Variants in ANKIB1 observed in about 807,000 individuals in gnomAD.
The protein encoded by ANKIB1 is ankyrin repeat and IBR domain containing 1.
A neutral mutation model predicts 122.1 loss-of-function variants in ANKIB1; 43 were observed. The ratio of observed to expected loss-of-function variants is 0.35; its 90% CI spans 0.28 to 0.45. ANKIB1 has a LOEUF of 0.45. Among genes scored for constraint, ANKIB1 ranks in the 20% least tolerant of loss-of-function variants. The probability of loss-of-function intolerance (pLI) is 1.00; values close to 1 mark genes in which losing one functional copy is unlikely to be tolerated. For synonymous variants in ANKIB1, 390 were observed against 442.0 expected (o/e 0.88, Z 1.48); for missense variants, 992 against 1,329.5 (o/e 0.75, Z 3.95).
intron 10 of ANKIB1, among the ~76,000 whole-genome samples, chr7:92,367,771 T>A (rs1804124502): frequency 6.6e-6 from 1 of 152,262 alleles, no homozygotes; most frequent in Admixed American, 6.5e-5. Context: ...GTTATATTTT[T>A]TATGAAATGA....
Position 92,246,036 on chromosome 7 carries a change from G to A in ANKIB1, c.-574G>A, listed in dbSNP as rs1563337676. On this transcript the variant is annotated 5_prime_UTR_variant, in exon 1 of 20. Transcript: ENST00000265742. ...TCACTGGACCTGCAGTCTCTCAGGG[G>A]CTGGTGGCAGGCGACTAGGAGACTA... The A allele has an allele frequency of 3.7e-6, 1 of 266,866 alleles. No homozygotes were observed. Among genetic ancestry groups the A allele is most frequent in the Non-Finnish European group, 7.3e-6 (1 of 136,692 alleles). The allele number at this position is 266,866 out of a possible 1,614,324, so 16.5% of individuals were successfully genotyped here.
chr7:92,262,710 T>C (rs147127552), intron 1 of ANKIB1, among the ~76,000 whole-genome samples: 25 of 152,280 alleles, frequency 1.6e-4, no homozygotes, highest in Non-Finnish European at 2.5e-4. Flanking sequence ...TTTTCTTCTT[T>C]ATACTTTTCC....
intron 11 of ANKIB1, among the ~76,000 whole-genome samples, chr7:92,374,195 G>A (rs1431392136): frequency 6.6e-6 from 1 of 152,166 alleles, no homozygotes; most frequent in African/African-American, 2.4e-5. Flanking sequence ...TAGAGATTAA[G>A]GCCAGGCATG....
intron 7 of ANKIB1, 57 bp downstream of exon 7, chr7:92,345,123 A>G (rs1803513028): frequency 3.1e-6 from 4 of 1,279,466 alleles, no homozygotes; most frequent in Non-Finnish European, 2.2e-6. Context: ...TGATTTGTTA[A>G]TAAAATTGTT....
intron 5 of ANKIB1, among the ~76,000 whole-genome samples, chr7:92,331,230 G>T (rs1302923468): frequency 1.3e-5 from 2 of 151,362 alleles, no homozygotes; most frequent in East Asian, 3.9e-4. Context: ...CAGGGACTGT[G>T]ACTGACTGGA....
chr7:92,398,203 T>C lies in ANKIB1; in HGVS notation c.2533-9T>C, dbSNP rs1180496490. ...AATTTTAAAGTGGTTTTGCTTTCTGTTGCTTCAGGCTCTGAGTTCCTTGGA... is the reference window on the plus strand; with the variant it reads ...AATTTTAAAGTGGTTTTGCTTTCTGCTGCTTCAGGCTCTGAGTTCCTTGGA... On this transcript the variant is annotated splice_polypyrimidine_tract_variant and intron_variant, in intron 19 of 19. Transcript: ENST00000265742. The C allele has an allele frequency of 6.4e-7, 1 of 1,558,562 alleles. No homozygotes were observed. The highest frequency in any genetic ancestry group is 8.6e-7 in the Non-Finnish European group (1 of 1,156,472).
intron 5 of ANKIB1, among the ~76,000 whole-genome samples, chr7:92,333,787 G>T (rs1315849241): frequency 6.6e-6 from 1 of 152,018 alleles, no homozygotes; most frequent in Non-Finnish European, 1.5e-5. Flanking sequence ...TGAAAAATAT[G>T]GTAGAAAAGA....
At chr7:92,309,942 A>AAAAAAAAATATATATATATATAT (rs1335765681) in intron 3 of ANKIB1, among the ~76,000 whole-genome samples, 4 of 91,786 alleles carry the variant, frequency 4.4e-5, no homozygotes, top group African/African-American at 1.5e-4. Flanking sequence ...AAAAAAAAAA[A>AAAAAAAAATATATATATATATAT]ATATATATAT....
chr7:92,390,930 A>G (rs1022280814), intron 15 of ANKIB1, among the ~76,000 whole-genome samples: 7 of 152,338 alleles, frequency 4.6e-5, no homozygotes, highest in Admixed American at 4.6e-4. Flanking sequence ...ATAAATGCCT[A>G]TCAAATGAGC....
chr7:92,329,798 T>C (rs1273087756), intron 5 of ANKIB1, among the ~76,000 whole-genome samples: 2 of 152,218 alleles, frequency 1.3e-5, no homozygotes, highest in Non-Finnish European at 2.9e-5. Flanking sequence ...TCACTCTCCC[T>C]AGCTCTTTCA....
At chr7:92,274,885 C>T (rs1231887844) in intron 1 of ANKIB1, among the ~76,000 whole-genome samples, 3 of 152,164 alleles carry the variant, frequency 2.0e-5, no homozygotes, top group Admixed American at 6.5e-5. Context: ...TGTGATAGCA[C>T]CACTGCACTC....
chr7:92,344,456 C>A (rs1158540442), intron 6 of ANKIB1, among the ~76,000 whole-genome samples: 1 of 151,958 alleles, frequency 6.6e-6, no homozygotes, highest in East Asian at 1.9e-4. Flanking sequence ...CTGCCCACCT[C>A]GGCCTCGCAA....
intron 2 of ANKIB1, among the ~76,000 whole-genome samples, chr7:92,305,605 G>A (rs1802544043): frequency 6.6e-6 from 1 of 152,170 alleles, no homozygotes. Flanking sequence ...TGAACTGGTG[G>A]GGGAGCCTAG....
At chr7:92,369,031 A>G (rs1804169111) in intron 10 of ANKIB1, among the ~76,000 whole-genome samples, 1 of 152,230 alleles carries the variant, frequency 6.6e-6, no homozygotes. Context: ...GCTAACAATA[A>G]TGTTGATGCT....
In ANKIB1 at chr7:92,387,898, C is replaced by A; in HGVS notation, c.1839+14C>A. On this transcript the variant is annotated intron_variant, in intron 13 of 19. Transcript: ENST00000265742. ...CATAGTTATCAGGTATGTCCCAAAT[C>A]ATTTCAAATGAGCTGACCTATACTG... 2 of 1,610,408 alleles carry A rather than the reference C, an allele frequency of 1.2e-6. No homozygotes were observed. The highest frequency in any genetic ancestry group is 1.3e-5 in the African/African-American group (1 of 74,908).
intron 1 of ANKIB1, among the ~76,000 whole-genome samples, chr7:92,279,092 C>T (rs1351576665): frequency 2.6e-5 from 4 of 152,190 alleles, no homozygotes; most frequent in Admixed American, 2.6e-4. Flanking sequence ...AGCATACAGC[C>T]TAGATCCTTT....
intron 7 of ANKIB1, among the ~76,000 whole-genome samples, chr7:92,346,569 T>C (rs536965362): frequency 7.2e-4 from 110 of 152,336 alleles, no homozygotes; most frequent in African/African-American, 2.6e-3. Context: ...ATCAGATCAG[T>C]ATAGCTGTTA....
intron 10 of ANKIB1, among the ~76,000 whole-genome samples, chr7:92,366,190 T>C (rs1804079565): frequency 6.6e-6 from 1 of 152,112 alleles, no homozygotes; most frequent in African/African-American, 2.4e-5. Context: ...TGCCCAGCAA[T>C]ATTTGAAATA....
chr7:92,365,786 A>ATTTTTTTTTTT (rs1585127854), intron 10 of ANKIB1, among the ~76,000 whole-genome samples: 1 of 109,230 alleles, frequency 9.2e-6, no homozygotes, highest in Non-Finnish European at 1.9e-5. Flanking sequence ...ATATTAAATA[A>ATTTTTTTTTTT]TCTTTTTTTT....
Sources: gnomAD v4.1 joint callset for allele counts (sites outside exome capture counted in the v4.1 genomes callset) on GRCh38, gnomAD v4.1.1 for gene constraint, MANE v1.5 for transcripts, NCBI Gene and HGNC (gene_info 2026-07-23, HGNC 2026-07-21) for gene names.